PTPRK: variants seen among roughly 807,000 people sequenced by gnomAD.
PTPRK encodes receptor-type tyrosine-protein phosphatase kappa.
In PTPRK, 75 loss-of-function variants were observed where a neutral mutation model predicts 178.0. The observed-to-expected ratio is 0.42, with a 90% CI of 0.35 to 0.51. PTPRK has a LOEUF of 0.51. PTPRK is among the 20% of genes least tolerant of loss of function. The probability of loss-of-function intolerance (pLI) is 0.02; values close to 1 mark genes in which losing one functional copy is unlikely to be tolerated. For synonymous variants in PTPRK, 637 were observed against 620.6 expected, an observed-to-expected ratio of 1.03 and a Z score of -0.39; for missense variants, 1,441 against 1,797.8, an observed-to-expected ratio of 0.80 and a Z score of 3.59.
At chr6:128,410,282 T>TA (rs1842151922) in intron 1 of PTPRK, among the ~76,000 whole-genome samples, 1 of 152,180 alleles carries the variant, frequency 6.6e-6, no homozygotes, top group Admixed American at 6.5e-5. Context: ...TAGAAGGAAA[T>TA]ATGTGCACCC....
At chr6:128,152,502 A>G (rs1451780823) in intron 7 of PTPRK, among the ~76,000 whole-genome samples, 1 of 151,892 alleles carries the variant, frequency 6.6e-6, no homozygotes, top group Non-Finnish European at 1.5e-5. Context: ...GGGTAGGGAA[A>G]GGAGAAAAAC....
chr6:128,160,194 A>C (rs960037666), intron 7 of PTPRK, among the ~76,000 whole-genome samples: 7 of 151,782 alleles, frequency 4.6e-5, no homozygotes, highest in African/African-American at 7.2e-5. Context: ...AATGTACAGT[A>C]ATAGTGATAA....
intron 2 of PTPRK, among the ~76,000 whole-genome samples, chr6:128,375,704 A>G (rs1371513478): frequency 6.6e-6 from 1 of 152,182 alleles, no homozygotes; most frequent in African/African-American, 2.4e-5. Flanking sequence ...GTCTCATCTG[A>G]GACAAGGAAA....
At chr6:128,271,402 A>G (rs558807849) in intron 3 of PTPRK, among the ~76,000 whole-genome samples, 10 of 152,124 alleles carry the variant, frequency 6.6e-5, no homozygotes, top group Non-Finnish European at 1.3e-4. Context: ...AATCAAGATG[A>G]AAGCACTGCA....
chr6:128,080,102 C>G (rs1169522682), intron 10 of PTPRK, among the ~76,000 whole-genome samples: 3 of 150,838 alleles, frequency 2.0e-5, no homozygotes, highest in Non-Finnish European at 3.0e-5. Flanking sequence ...GATGTTTAAG[C>G]CAAATATTAA....
rs1340024201 is a variant in PTPRK at position 128,200,476 on chromosome 6, G to A, written c.869-15751C>T. ...CAGAGGGCTCACACCTATTATCATA[G>A]CAATTTGAGAGTCTGAGGCAGGAGG... is the stretch of plus-strand genomic sequence containing the variant. On this transcript the variant is annotated intron_variant, in intron 6 of 29. Coordinates refer to ENST00000368226, the MANE Select transcript of PTPRK (RefSeq NM_002844.4). Among the ~76,000 whole-genome samples the A allele has an allele frequency of 2.6e-5, 4 of 152,006 alleles. No individual in the cohort carries two copies. The East Asian group carries it at 7.8e-4, about 29-fold the overall frequency.
At chr6:128,447,161 C>T (rs1001420115) in intron 1 of PTPRK, among the ~76,000 whole-genome samples, 2 of 152,166 alleles carry the variant, frequency 1.3e-5, no homozygotes, top group Non-Finnish European at 2.9e-5. Context: ...AAAGCAGCTC[C>T]TGGTTTGAAT....
chr6:128,260,542 T>G (rs1232721230), intron 3 of PTPRK, among the ~76,000 whole-genome samples: 1 of 152,146 alleles, frequency 6.6e-6, no homozygotes, highest in Non-Finnish European at 1.5e-5. Context: ...TCCAGAAGGC[T>G]GGGATGGAGA....
At chr6:128,093,269 G>A (rs1279357892) in intron 7 of PTPRK, among the ~76,000 whole-genome samples, 1 of 151,974 alleles carries the variant, frequency 6.6e-6, no homozygotes, top group African/African-American at 2.4e-5. Context: ...GGAAAAGGCT[G>A]TAGTCAAAAA....
intron 1 of PTPRK, among the ~76,000 whole-genome samples, chr6:128,508,422 G>T (rs1856677008): frequency 1.3e-5 from 2 of 150,624 alleles, no homozygotes; most frequent in African/African-American, 4.8e-5. Flanking sequence ...GCATGTTCTA[G>T]CTTATCACGA....
intron 6 of PTPRK, among the ~76,000 whole-genome samples, chr6:128,206,333 C>G (rs943479895): frequency 2.0e-5 from 3 of 148,458 alleles, no homozygotes; most frequent in East Asian, 4.0e-4. Context: ...AGAGAACACA[C>G]AGATTCAGCA....
Position 128,188,352 on chromosome 6 carries a change from T to C in PTPRK, c.869-3627A>G, listed in dbSNP as rs1248588438. On this transcript the variant is annotated intron_variant, in intron 6 of 29. Transcript: ENST00000368226. ...TAATGTTATTTTACAAACACATGTG[T>C]CACTTAGCAAAATTCAGTTAACTAA... Among the ~76,000 whole-genome samples, 3 of 152,238 alleles carry C rather than the reference T, an allele frequency of 2.0e-5. No individual in the cohort carries two copies. In the East Asian group the frequency reaches 5.8e-4, roughly 29 times the overall value.
chr6:128,123,017 G>T (rs576576378), intron 7 of PTPRK, among the ~76,000 whole-genome samples: 2 of 152,276 alleles, frequency 1.3e-5, no homozygotes, highest in Admixed American at 1.3e-4. Context: ...TTGGAATAAG[G>T]CTCTTTGCAG....
intron 3 of PTPRK, among the ~76,000 whole-genome samples, chr6:128,298,458 C>T (rs535540747): frequency 0.013 from 1,953 of 150,768 alleles, 84 homozygotes; most frequent in African/African-American, 0.046. Flanking sequence ...AACATTGATG[C>T]AAAAATCCTC....
chr6:128,000,019 G>A (rs1777617591), intron 15 of PTPRK: 7 of 946,086 alleles, frequency 7.4e-6, no homozygotes, highest in African/African-American at 1.8e-5. Context: ...TTTAATGACC[G>A]AAGTACTAAA....
intron 1 of PTPRK, among the ~76,000 whole-genome samples, chr6:128,518,641 T>G (rs1858459690): frequency 6.6e-6 from 1 of 152,220 alleles, no homozygotes; most frequent in Admixed American, 6.5e-5. Context: ...ATGAGTTACA[T>G]CAAGCACGGT....
At chr6:128,297,649 C>T (rs1426419495) in intron 3 of PTPRK, among the ~76,000 whole-genome samples, 1 of 152,132 alleles carries the variant, frequency 6.6e-6, no homozygotes, top group African/African-American at 2.4e-5. Flanking sequence ...AAAATGAAGG[C>T]AGAAATAAAG....
chr6:128,434,975 G>A (rs987107113), intron 1 of PTPRK, among the ~76,000 whole-genome samples: 6 of 142,402 alleles, frequency 4.2e-5, no homozygotes, highest in Admixed American at 4.0e-4. Flanking sequence ...AGGCAGGCAG[G>A]CAGGCAGGCA....
intron 1 of PTPRK, among the ~76,000 whole-genome samples, chr6:128,483,541 T>G (rs190080452): frequency 4.1e-4 from 62 of 152,302 alleles, no homozygotes; most frequent in Non-Finnish European, 7.6e-4. Flanking sequence ...ACTCTCTTTC[T>G]GGGTAACTAT....
Sources: gnomAD v4.1 joint callset for allele counts (sites outside exome capture counted in the v4.1 genomes callset) on GRCh38, gnomAD v4.1.1 for gene constraint, MANE v1.5 for transcripts, NCBI Gene and HGNC (gene_info 2026-07-23, HGNC 2026-07-21) for gene names.